The following PDE7B variants were observed in gnomAD, a reference collection of about 807,000 sequenced individuals.
The protein encoded by PDE7B is 3',5'-cyclic-AMP phosphodiesterase 7B.
Under a neutral mutation model 56.2 loss-of-function variants are expected in PDE7B, and 29 were observed. The observed-to-expected ratio is 0.52, with a 90% CI of 0.38 to 0.70. The LOEUF (loss-of-function observed/expected upper bound fraction) is 0.70, where lower values mean the gene tolerates loss of function less well. PDE7B is among the 30% of genes least tolerant of loss of function. The pLI is 0.00. For synonymous variants in PDE7B, 197 were observed against 196.9 expected (o/e 1.00, Z 0.00); for missense variants, 490 against 565.0 (o/e 0.87, Z 1.35).
At chr6:136,003,927 G>C (rs1328061383) in intron 2 of PDE7B, among the ~76,000 whole-genome samples, 2 of 151,948 alleles carry the variant, frequency 1.3e-5, no homozygotes, top group African/African-American at 4.8e-5. Context: ...CAATATCCTT[G>C]ATGAACATTG....
chr6:135,934,905 A>G (rs1583781650), intron 1 of PDE7B, among the ~76,000 whole-genome samples: 1 of 109,478 alleles, frequency 9.1e-6, no homozygotes, highest in South Asian at 2.4e-4. Context: ...ATTTAAATAT[A>G]TATAAATATT....
chr6:136,038,214 ACAG>A (rs781300434), intron 2 of PDE7B: 5 of 1,299,204 alleles, frequency 3.8e-6, no homozygotes, highest in Non-Finnish European at 1.0e-6. Flanking sequence ...AGAAGCAGAA[ACAG>A]CAGCAGCAGC....
chr6:136,090,478 G>A (rs182765371), intron 2 of PDE7B, among the ~76,000 whole-genome samples: 143 of 152,240 alleles, frequency 9.4e-4, no homozygotes, highest in Non-Finnish European at 1.4e-3. Context: ...CTTGCATTGC[G>A]CCTTCCCTGT....
intron 2 of PDE7B, chr6:136,096,004 T>C (rs765163068): frequency 6.6e-6 from 1 of 152,296 alleles, no homozygotes; most frequent in Non-Finnish European, 1.5e-5. Context: ...CAAGTCTAGG[T>C]TTTTCCATCT....
intron 5 of PDE7B, among the ~76,000 whole-genome samples, chr6:136,150,228 A>G (rs1251520675): frequency 2.6e-5 from 4 of 152,204 alleles, no homozygotes; most frequent in African/African-American, 4.8e-5. Context: ...TATCTAAGAA[A>G]TGCTGAAATT....
chr6:135,985,448 G>A (rs1045065895), intron 2 of PDE7B, among the ~76,000 whole-genome samples: 8 of 152,152 alleles, frequency 5.3e-5, no homozygotes, highest in African/African-American at 4.8e-5. Flanking sequence ...GTAGAATAAT[G>A]AAAATGAGTG....
chr6:136,155,514 C>A (rs41288037), intron 7 of PDE7B, 113 bp from the exon 8 acceptor site: 3 of 860,696 alleles, frequency 3.5e-6, no homozygotes, highest in Non-Finnish European at 5.5e-6. Context: ...AAAGGTCTGG[C>A]TGATAGGCTT....
At chr6:136,105,724 T>C (rs1777635474) in intron 2 of PDE7B, among the ~76,000 whole-genome samples, 1 of 152,236 alleles carries the variant, frequency 6.6e-6, no homozygotes, top group Non-Finnish European at 1.5e-5. Context: ...TTACCCAAGA[T>C]GGCAAAATGT....
intron 1 of PDE7B, among the ~76,000 whole-genome samples, chr6:135,922,327 A>T (rs900460106): frequency 1.3e-5 from 2 of 151,988 alleles, no homozygotes; most frequent in Admixed American, 1.3e-4. Context: ...CAGTAGTGAA[A>T]CTCTGTAGTT....
At chr6:136,115,577 C>A (rs1039329925) in intron 3 of PDE7B, among the ~76,000 whole-genome samples, 2 of 152,206 alleles carry the variant, frequency 1.3e-5, no homozygotes, top group East Asian at 3.8e-4. Flanking sequence ...TTTTCACCTT[C>A]TACATCTAAA....
In PDE7B at chr6:136,116,537, G is replaced by A. The variant is rs116655555; in HGVS notation, c.166+7723G>A. Among the ~76,000 whole-genome samples the A allele has an allele frequency of 5.6e-3, 858 of 152,284 alleles. 8 individuals are homozygous for A. Among genetic ancestry groups the A allele is most frequent in the African/African-American group, 0.02 (821 of 41,566 alleles). On this transcript the variant is annotated intron_variant, in intron 3 of 12. Transcript: ENST00000308191. ...AATCCACAGATTTCATATAAAAGAA[G>A]ACATAAAACTGGAGGATACTGAATA... is the stretch of plus-strand genomic sequence containing the variant.
At chr6:136,037,065 G>A (rs939053510) in intron 2 of PDE7B, among the ~76,000 whole-genome samples, 10 of 152,198 alleles carry the variant, frequency 6.6e-5, no homozygotes, top group African/African-American at 9.6e-5. Flanking sequence ...TGTTGCCCTC[G>A]ATTCAACCAC....
At chr6:136,110,320 A>G (rs1777722037) in intron 3 of PDE7B, among the ~76,000 whole-genome samples, 1 of 152,090 alleles carries the variant, frequency 6.6e-6, no homozygotes, top group Non-Finnish European at 1.5e-5. Flanking sequence ...CCAGCTACCC[A>G]CGGAAGTTAC....
intron 2 of PDE7B, among the ~76,000 whole-genome samples, chr6:135,986,640 T>G (rs1459838593): frequency 6.6e-6 from 1 of 152,172 alleles, no homozygotes; most frequent in East Asian, 1.9e-4. Context: ...GTCTGAAAAA[T>G]GCAGGTGTGA....
chr6:136,006,606 C>G (rs9389356), intron 2 of PDE7B, among the ~76,000 whole-genome samples: 72,853 of 151,770 alleles, frequency 0.48, 18,223 homozygotes, highest in African/African-American at 0.62. Flanking sequence ...TTTGTAATTC[C>G]CATTGTAGAG....
intron 1 of PDE7B, among the ~76,000 whole-genome samples, chr6:135,925,001 T>C (rs1027713074): frequency 6.6e-6 from 1 of 151,162 alleles, no homozygotes; most frequent in Non-Finnish European, 1.5e-5. Flanking sequence ...TGGGTGTTTT[T>C]TTTTTTTTTT....
At chr6:136,185,951 T>G (rs974440361) in intron 11 of PDE7B, among the ~76,000 whole-genome samples, 1 of 152,138 alleles carries the variant, frequency 6.6e-6, no homozygotes, top group Admixed American at 6.5e-5. Context: ...CAATTTGTTA[T>G]GCTCAGGAAG....
At chr6:135,928,181 A>G (rs1180451677) in intron 1 of PDE7B, among the ~76,000 whole-genome samples, 4 of 151,820 alleles carry the variant, frequency 2.6e-5, no homozygotes, top group Non-Finnish European at 4.4e-5. Context: ...GCACTTACAC[A>G]CTGCTGGTGG....
At chr6:136,145,738 A>G (rs1454240264) in intron 3 of PDE7B, among the ~76,000 whole-genome samples, 1 of 152,150 alleles carries the variant, frequency 6.6e-6, no homozygotes, top group Non-Finnish European at 1.5e-5. Context: ...CTTATGGAAT[A>G]CTTCCCAGTC....
Sources: gnomAD v4.1 joint callset for allele counts (sites outside exome capture counted in the v4.1 genomes callset) on GRCh38, gnomAD v4.1.1 for gene constraint, MANE v1.5 for transcripts, NCBI Gene and HGNC (gene_info 2026-07-23, HGNC 2026-07-21) for gene names.